Variants in EYA2 observed in about 807,000 individuals in gnomAD.
The protein encoded by EYA2 is protein phosphatase EYA2.
In EYA2, 31 loss-of-function variants were observed where a neutral mutation model predicts 69.2. That is an observed-to-expected ratio of 0.45 (90% CI 0.34 to 0.60). EYA2 has a LOEUF of 0.60. Among genes scored for constraint, EYA2 ranks in the 20% least tolerant of loss-of-function variants. The pLI, the probability that EYA2 is intolerant of heterozygous loss-of-function variation, is 0.02. For missense variants in EYA2, 622 were observed against 701.2 expected, an observed-to-expected ratio of 0.89 and a Z score of 1.28; for synonymous variants, 257 against 279.4, an observed-to-expected ratio of 0.92 and a Z score of 0.80.
At chr20:47,062,961 G>A (rs2030951856) in intron 5 of EYA2, among the ~76,000 whole-genome samples, 3 of 152,122 alleles carry the variant, frequency 2.0e-5, no homozygotes. Context: ...ATCTTTCTGG[G>A]CCTTTCTGTG....
rs546355891 is a variant in EYA2, at chr20:47,095,956, T to C, written c.805-1129T>C. 8 of 152,324 alleles carry C rather than the reference T, an allele frequency of 5.3e-5. 1 individual carries two copies. Among genetic ancestry groups the C allele is most frequent in the Middle Eastern group, 6.8e-3 (2 of 294 alleles). The allele number at this position is 152,324 out of a possible 1,614,324, so 9.4% of individuals were successfully genotyped here. On this transcript the variant is annotated intron_variant, in intron 8 of 15. Transcript: ENST00000327619. ...AAGCCTAAAAATGATCCAGTCCACA[T>C]TGGAGGTTTCTATCACTGAGGATAG...
At chr20:47,158,417 T>C (rs1038760753) in intron 10 of EYA2, among the ~76,000 whole-genome samples, 2 of 151,486 alleles carry the variant, frequency 1.3e-5, no homozygotes, top group African/African-American at 4.8e-5. Flanking sequence ...CTTGGGAGAC[T>C]GAGGCAGGAG....
chr20:47,016,248 C>G lies in EYA2; in HGVS notation c.366C>G (p.Ser122Arg). ...GTGGATTCCTCAGCTATGGCTCCAG[C>G]TTCAGCACCTCACCCACTGGACAGA... ...GQSGFLSYGSSFSTSPTGQSP... is the reference protein window; with the variant it reads ...GQSGFLSYGSRFSTSPTGQSP... Residue 122 changes from serine to arginine, a missense_variant, in exon 5 of 16, where the codon AGC becomes AGG. This residue lies in a region of EYA2 where 365 missense variants were observed against 349.7 expected (regional missense o/e 1.04). Coordinates refer to ENST00000327619, the MANE Select transcript of EYA2 (RefSeq NM_005244.5). The G allele has an allele frequency of 1.2e-6, 2 of 1,614,214 alleles. No homozygotes were observed. The highest frequency in any genetic ancestry group is 3.3e-4 in the Middle Eastern group (2 of 6,062).
At chr20:47,132,420 T>C (rs902432289) in intron 9 of EYA2, among the ~76,000 whole-genome samples, 1 of 152,228 alleles carries the variant, frequency 6.6e-6, no homozygotes, top group Non-Finnish European at 1.5e-5. Flanking sequence ...AGAAGTCTTC[T>C]GTTGGAAGCT....
chr20:47,153,266 G>C (rs2033858894), intron 10 of EYA2, among the ~76,000 whole-genome samples: 1 of 151,990 alleles, frequency 6.6e-6, no homozygotes, highest in African/African-American at 2.4e-5. Flanking sequence ...GGGGAAAAAT[G>C]ACCAGTACAT....
rs151158158 is a variant in EYA2, at chr20:47,156,362, T to C, written c.979-12777T>C. Among the ~76,000 whole-genome samples the C allele has an allele frequency of 2.8e-3, 426 of 150,582 alleles. 3 individuals are homozygous for C. Among genetic ancestry groups the C allele is most frequent in the African/African-American group, 9.5e-3 (391 of 41,276 alleles). ...AAATAAAAAAATAAGGAAAGAGCCT[T>C]TCAGGAGAAACAAGGTAACGCTAAA... On this transcript the variant is annotated intron_variant, in intron 10 of 15. Coordinates refer to ENST00000327619, the MANE Select transcript of EYA2 (RefSeq NM_005244.5).
At chr20:47,171,321 T>C (rs764235275) in intron 11 of EYA2, among the ~76,000 whole-genome samples, 2 of 152,246 alleles carry the variant, frequency 1.3e-5, no homozygotes, top group Non-Finnish European at 2.9e-5. Flanking sequence ...CACTTATTCA[T>C]TCAAGAAATA....
At chr20:47,175,546 T>C (rs571449427) in intron 12 of EYA2, among the ~76,000 whole-genome samples, 176 of 152,308 alleles carry the variant, frequency 1.2e-3, no homozygotes, top group Non-Finnish European at 2.2e-3. Context: ...CATGCCAGGA[T>C]GTTGTGAATT....
chr20:46,942,270 C>G (rs1453928347), intron 1 of EYA2, among the ~76,000 whole-genome samples: 1 of 151,954 alleles, frequency 6.6e-6, no homozygotes, highest in African/African-American at 2.4e-5. Context: ...TGCAGTTGTA[C>G]AATTACAGCT....
chr20:46,901,693 A>C (rs1173498840), intron 1 of EYA2: 2 of 152,262 alleles, frequency 1.3e-5, no homozygotes, highest in Admixed American at 1.3e-4. Context: ...TTGGTTGGGA[A>C]GGGAGCGGAG....
chr20:47,122,292 T>G (rs1184233947), intron 9 of EYA2, among the ~76,000 whole-genome samples: 5 of 142,708 alleles, frequency 3.5e-5, no homozygotes, highest in African/African-American at 1.4e-4. Context: ...TTTCTTGGTT[T>G]TTTTTTTTTT....
intron 1 of EYA2, among the ~76,000 whole-genome samples, chr20:46,937,841 A>G (rs561579869): frequency 8.6e-4 from 131 of 152,116 alleles, no homozygotes; most frequent in African/African-American, 3.0e-3. Flanking sequence ...TCATTCTACA[A>G]ATATTTCTTG....
intron 1 of EYA2, among the ~76,000 whole-genome samples, chr20:46,958,391 G>T (rs1001686409): frequency 1.3e-5 from 2 of 152,044 alleles, no homozygotes; most frequent in African/African-American, 4.8e-5. Flanking sequence ...GACAAAATGA[G>T]CCTGGTTGCA....
At chr20:46,972,118 T>C (rs1568695759) in intron 1 of EYA2, among the ~76,000 whole-genome samples, 1 of 152,084 alleles carries the variant, frequency 6.6e-6, no homozygotes, top group Non-Finnish European at 1.5e-5. Flanking sequence ...GAGGTGACGT[T>C]TGAGAAAACA....
chr20:47,034,551 C>G (rs908497224), intron 5 of EYA2, among the ~76,000 whole-genome samples: 5 of 152,192 alleles, frequency 3.3e-5, no homozygotes, highest in Non-Finnish European at 7.4e-5. Flanking sequence ...TTCCCAGGAC[C>G]AAGGCGAGGA....
intron 5 of EYA2, among the ~76,000 whole-genome samples, chr20:47,060,787 G>A (rs1309340905): frequency 1.3e-5 from 2 of 151,764 alleles, no homozygotes; most frequent in Non-Finnish European, 2.9e-5. Context: ...TGCCGGCCTC[G>A]GACTCTTCAT....
intron 1 of EYA2, among the ~76,000 whole-genome samples, chr20:46,925,206 A>G (rs933218705): frequency 3.3e-5 from 5 of 152,222 alleles, no homozygotes; most frequent in Admixed American, 2.6e-4. Flanking sequence ...CACATCCACA[A>G]TGACCCTATT....
At chr20:47,155,825 A>G (rs2033911223) in intron 10 of EYA2, among the ~76,000 whole-genome samples, 1 of 151,270 alleles carries the variant, frequency 6.6e-6, no homozygotes, top group Non-Finnish European at 1.5e-5. Context: ...TGGAGAATAG[A>G]GTTTGAGATG....
At chr20:46,918,188 G>T (rs1985006159) in intron 1 of EYA2, among the ~76,000 whole-genome samples, 1 of 151,862 alleles carries the variant, frequency 6.6e-6, no homozygotes. Flanking sequence ...GGGCGTGGTG[G>T]CAGGTGCCTG....
Sources: allele counts gnomAD v4.1 joint callset (sites outside exome capture counted in the v4.1 genomes callset), GRCh38; gene constraint gnomAD v4.1.1; regional missense constraint gnomAD v4.1.1; transcripts MANE v1.5; gene names NCBI Gene and HGNC (gene_info 2026-07-23, HGNC 2026-07-21).